ZBBX: variants seen among roughly 807,000 people sequenced by gnomAD.
The protein encoded by ZBBX is zinc finger B-box domain-containing protein 1.
ZBBX carries 101 observed loss-of-function variants against 108.5 expected under a neutral mutation model. That is an observed-to-expected ratio of 0.93 (90% confidence interval 0.79 to 1.10). The LOEUF (loss-of-function observed/expected upper bound fraction) is 1.10, where lower values mean the gene tolerates loss of function less well. Among genes scored for constraint, ZBBX ranks in the 50% least tolerant of loss-of-function variants. The pLI, the probability that ZBBX is intolerant of heterozygous loss-of-function variation, is 0.00. For synonymous variants in ZBBX, 356 were observed against 323.4 expected (o/e 1.10, Z -1.08); for missense variants, 1,009 against 941.4 (o/e 1.07, Z -0.94).
chr3:167,378,287 A>G (rs1339683854), intron 2 of ZBBX, among the ~76,000 whole-genome samples: 1 of 152,160 alleles, frequency 6.6e-6, no homozygotes, highest in Non-Finnish European at 1.5e-5. Flanking sequence ...CAAGTTGCCC[A>G]TTTTTTATGC....
At chr3:167,335,254 T>G (rs976026281) in intron 9 of ZBBX, among the ~76,000 whole-genome samples, 8 of 152,080 alleles carry the variant, frequency 5.3e-5, no homozygotes, top group Non-Finnish European at 1.0e-4. Flanking sequence ...AAATAAGGTG[T>G]CAGGGAAGGA....
At chr3:167,330,910 A>AAGAAGAAGAAGAAGAAGG (rs1560136471) in intron 10 of ZBBX, among the ~76,000 whole-genome samples, 8 of 76,060 alleles carry the variant, frequency 1.1e-4, no homozygotes, top group African/African-American at 3.3e-4. Flanking sequence ...GAAGAAGAAG[A>AAGAAGAAGAAGAAGAAGG]GGCATCATAT....
chr3:167,307,311 T>C (rs1039104888), intron 16 of ZBBX, among the ~76,000 whole-genome samples: 2 of 152,124 alleles, frequency 1.3e-5, no homozygotes. Flanking sequence ...GGCATCCAAA[T>C]AGTAGGAGAG....
chr3:167,193,983 G>A, the ZBBX span, among the ~76,000 whole-genome samples: 1 of 151,984 alleles, frequency 6.6e-6, no homozygotes, highest in East Asian at 1.9e-4. Context: ...AAGGTTGGGG[G>A]AAGTTGAAGA....
chr3:167,187,004 C>T, the ZBBX span, among the ~76,000 whole-genome samples: 1 of 152,058 alleles, frequency 6.6e-6, no homozygotes, highest in African/African-American at 2.4e-5. Flanking sequence ...TATTTCTATA[C>T]AGGAAAAAGT....
At chr3:167,310,595 G>A (rs1734415278) in intron 16 of ZBBX, among the ~76,000 whole-genome samples, 1 of 152,078 alleles carries the variant, frequency 6.6e-6, no homozygotes, top group African/African-American at 2.4e-5. Flanking sequence ...GGCGAGGGCT[G>A]GGGATCTGCC....
rs375465241 is a variant in ZBBX at position 167,240,845 on chromosome 3, T to A, written c.2468A>T (p.Asp823Val). 1.9e-6 allele frequency: 3 copies of A among 1,613,570 alleles called. No homozygotes were observed. The highest frequency in any genetic ancestry group is 2.5e-6 in the Non-Finnish European group (3 of 1,179,674). Residue 823 changes from aspartate to valine, a missense_variant, in exon 22 of 22, where the codon GAT becomes GTT. By Grantham distance (152) the Asp-to-Val change is radical (BLOSUM62 -3). Transcript: ENST00000675490. ...SESSTDEEEE[D>V]FLNKQHVITL... ...GATGACATGTTGCTTGTTGAGAAAATCTTCCTCCTCCTCATCTGTACTGCT... is the reference window on the plus strand; with the variant it reads ...GATGACATGTTGCTTGTTGAGAAAAACTTCCTCCTCCTCATCTGTACTGCT...
chr3:167,284,302 C>T (rs561521239), intron 19 of ZBBX, among the ~76,000 whole-genome samples: 1 of 151,710 alleles, frequency 6.6e-6, no homozygotes, highest in East Asian at 1.9e-4. Flanking sequence ...CAATCAAGAA[C>T]CAAACTCTCC....
At chr3:167,191,934 T>TATAGAGAGAGAGAGAGAGAGAGAG in the ZBBX span, among the ~76,000 whole-genome samples, 18 of 130,220 alleles carry the variant, frequency 1.4e-4, no homozygotes, top group African/African-American at 4.6e-4. Context: ...TATATATATA[T>TATAGAGAGAGAGAGAGAGAGAGAG]AGAGCAAGTT....
the ZBBX span, among the ~76,000 whole-genome samples, chr3:167,204,039 AACAG>A: frequency 2.0e-5 from 3 of 152,136 alleles, no homozygotes; most frequent in Non-Finnish European, 2.9e-5. Context: ...ATAAGAAGAC[AACAG>A]ACAATGTACT....
the ZBBX span, among the ~76,000 whole-genome samples, chr3:167,224,688 A>AAAGTATATTTGG: frequency 3.3e-5 from 5 of 152,102 alleles, 1 homozygote; most frequent in South Asian, 8.3e-4. Flanking sequence ...AACTCTGGCA[A>AAAGTATATTTGG]AAGTATATTT....
intron 16 of ZBBX, among the ~76,000 whole-genome samples, chr3:167,311,711 G>C (rs1411911414): frequency 6.7e-6 from 1 of 149,946 alleles, no homozygotes; most frequent in South Asian, 2.1e-4. Flanking sequence ...ACAGAGAATT[G>C]CAAATCAAAA....
At chr3:167,326,636 A>C (rs1737425436) in intron 11 of ZBBX, among the ~76,000 whole-genome samples, 1 of 152,056 alleles carries the variant, frequency 6.6e-6, no homozygotes, top group African/African-American at 2.4e-5. Flanking sequence ...AAAAAATTGC[A>C]TGAAGTAGCA....
chr3:167,246,018 G>T (rs911217192), intron 20 of ZBBX, among the ~76,000 whole-genome samples: 2 of 152,094 alleles, frequency 1.3e-5, no homozygotes, highest in Non-Finnish European at 2.9e-5. Flanking sequence ...CTATACATTT[G>T]GGGGAGACCA....
At chr3:167,184,851 C>T in the ZBBX span, among the ~76,000 whole-genome samples, 2 of 152,052 alleles carry the variant, frequency 1.3e-5, no homozygotes, top group Non-Finnish European at 2.9e-5. Flanking sequence ...TGAGTGCCTG[C>T]CAAAATAAAG....
At position 167,368,708 on chromosome 3, in the gene ZBBX, C is replaced by T. The variant is rs1430327769; in HGVS notation, c.69-134G>A. ...TTTACCTATTTCTTTTGTACTTCTC[C>T]GAAATCTGGTTTTTAAAGTTAGCAT... On this transcript the variant is annotated intron_variant, in intron 4 of 21. Coordinates refer to ENST00000675490, the MANE Select transcript of ZBBX (RefSeq NM_001199201.2). 2.1e-5 allele frequency: 27 copies of T among 1,273,900 alleles called. No homozygotes were observed. The Admixed American group carries it at 3.5e-4, about 16-fold the overall frequency. The allele number at this position is 1,273,900 out of a possible 1,614,324, so 78.9% of individuals were successfully genotyped here.
chr3:167,267,395 T>C (rs1725717390), intron 20 of ZBBX, among the ~76,000 whole-genome samples: 1 of 152,142 alleles, frequency 6.6e-6, no homozygotes, highest in African/African-American at 2.4e-5. Flanking sequence ...AAATTTCTAA[T>C]ATGAGAAATT....
At chr3:167,336,602 G>C (rs1159711276) in intron 9 of ZBBX, among the ~76,000 whole-genome samples, 1 of 152,106 alleles carries the variant, frequency 6.6e-6, no homozygotes, top group Non-Finnish European at 1.5e-5. Flanking sequence ...ACTTGAAATA[G>C]AGTCAAATTA....
Position 167,287,114 on chromosome 3 carries a change from T to TA in ZBBX, c.1996+1752dup, listed in dbSNP as rs759542905. 2.1e-4 allele frequency among the ~76,000 whole-genome samples: 31 copies of TA among 151,102 alleles called. No individual in the cohort carries two copies. In the East Asian group the frequency reaches 2.7e-3, roughly 13 times the overall value. On this transcript the variant is annotated intron_variant, in intron 19 of 21. Coordinates refer to ENST00000675490, the MANE Select transcript of ZBBX (RefSeq NM_001199201.2). ...GTCATTATGTTATCATCTCTATTTC[T>TA]AAAAAAAAACCTTGCTTATATATCT...
Sources: gnomAD v4.1 joint callset for allele counts (sites outside exome capture counted in the v4.1 genomes callset) on GRCh38, gnomAD v4.1.1 for gene constraint, MANE v1.5 for transcripts, NCBI Gene and HGNC (gene_info 2026-07-23, HGNC 2026-07-21) for gene names.